Variants in RBMS3 observed in about 807,000 individuals in gnomAD.
RBMS3 encodes the protein RNA binding motif single stranded interacting protein 3.
RBMS3 carries 27 observed loss-of-function variants against 66.8 expected under a neutral mutation model. The ratio of observed to expected loss-of-function variants is 0.40; its 90% CI spans 0.30 to 0.56. The LOEUF (loss-of-function observed/expected upper bound fraction) is 0.56, where lower values mean the gene tolerates loss of function less well. Among genes scored for constraint, RBMS3 ranks in the 20% least tolerant of loss-of-function variants. The pLI is 0.40. For missense variants in RBMS3, 513 were observed against 549.5 expected, an observed-to-expected ratio of 0.93 and a Z score of 0.66; for synonymous variants, 188 against 183.0, an observed-to-expected ratio of 1.03 and a Z score of -0.22.
intron 3 of RBMS3, among the ~76,000 whole-genome samples, chr3:29,543,138 G>T (rs1181208645): frequency 2.0e-5 from 3 of 152,148 alleles, no homozygotes; most frequent in Non-Finnish European, 4.4e-5. Flanking sequence ...TGACCTCCAA[G>T]AGACATTTCC....
intron 5 of RBMS3, among the ~76,000 whole-genome samples, chr3:29,741,538 A>G (rs1269448030): frequency 6.6e-6 from 1 of 152,212 alleles, no homozygotes; most frequent in African/African-American, 2.4e-5. Context: ...AAACTCTCCA[A>G]TAAATTAGTT....
At chr3:29,815,428 A>G (rs957067056) in intron 6 of RBMS3, among the ~76,000 whole-genome samples, 4 of 152,192 alleles carry the variant, frequency 2.6e-5, no homozygotes, top group Non-Finnish European at 5.9e-5. Context: ...AATATACTAT[A>G]ATGTTTAAGA....
At chr3:29,957,482 C>G (rs1448542605) in intron 12 of RBMS3, among the ~76,000 whole-genome samples, 1 of 152,038 alleles carries the variant, frequency 6.6e-6, no homozygotes, top group Admixed American at 6.6e-5. Context: ...GAATGAACAA[C>G]TAAGTGCAGA....
chr3:29,766,310 T>C (rs186948475), intron 6 of RBMS3: 8 of 152,062 alleles, frequency 5.3e-5, no homozygotes, highest in African/African-American at 1.7e-4. Flanking sequence ...TCCCCTACTA[T>C]GTCATTTCTA....
At chr3:29,291,732 A>AG (rs2032832864) in intron 1 of RBMS3, among the ~76,000 whole-genome samples, 1 of 151,780 alleles carries the variant, frequency 6.6e-6, no homozygotes, top group East Asian at 1.9e-4. Context: ...CTAGGATAAT[A>AG]ACATCTCTTG....
chr3:29,600,017 T>TA (rs1451140663), intron 4 of RBMS3, among the ~76,000 whole-genome samples: 2 of 152,058 alleles, frequency 1.3e-5, no homozygotes, highest in East Asian at 3.9e-4. Context: ...TAAATGTAAA[T>TA]AAAAAACCAA....
At chr3:29,492,340 G>A (rs2043580676) in intron 3 of RBMS3, among the ~76,000 whole-genome samples, 1 of 152,128 alleles carries the variant, frequency 6.6e-6, no homozygotes, top group African/African-American at 2.4e-5. Flanking sequence ...TGATTAGAAA[G>A]ACAGCAATTA....
chr3:29,965,874 G>A (rs1696807441), intron 12 of RBMS3, among the ~76,000 whole-genome samples: 1 of 152,142 alleles, frequency 6.6e-6, no homozygotes. Flanking sequence ...TTAGGTTTAA[G>A]TGCTTAATGC....
chr3:29,534,822 T>A (rs570751042), intron 3 of RBMS3, among the ~76,000 whole-genome samples: 2 of 152,296 alleles, frequency 1.3e-5, no homozygotes, highest in South Asian at 2.1e-4. Context: ...TCGTGTCATA[T>A]GTCATCATGC....
At chr3:29,620,491 A>C (rs2149152523) in intron 4 of RBMS3, among the ~76,000 whole-genome samples, 1 of 152,270 alleles carries the variant, frequency 6.6e-6, no homozygotes, top group Non-Finnish European at 1.5e-5. Context: ...GGCTACAATT[A>C]CGATAAAACT....
chr3:29,437,933 C>T (rs1371587664), intron 2 of RBMS3, among the ~76,000 whole-genome samples: 1 of 152,134 alleles, frequency 6.6e-6, no homozygotes, highest in Non-Finnish European at 1.5e-5. Context: ...GGCAGGGGCA[C>T]AGTCAGAATT....
At chr3:29,875,581 G>A (rs1027748244) in intron 7 of RBMS3, among the ~76,000 whole-genome samples, 3 of 151,870 alleles carry the variant, frequency 2.0e-5, no homozygotes, top group African/African-American at 7.2e-5. Flanking sequence ...CTGCATCTTG[G>A]AATCTATGAA....
chr3:29,311,485 A>G (rs531201350), intron 1 of RBMS3, among the ~76,000 whole-genome samples: 92 of 151,906 alleles, frequency 6.1e-4, no homozygotes, highest in South Asian at 1.5e-3. Flanking sequence ...GTCTCACACT[A>G]CAATATGCAA....
chr3:29,451,902 C>T (rs1946824), intron 2 of RBMS3, among the ~76,000 whole-genome samples: 52,029 of 151,978 alleles, frequency 0.34, 9,983 homozygotes, highest in East Asian at 0.51. Flanking sequence ...ATGGTGTAAC[C>T]CACCTTAAAT....
chr3:29,967,312 G>T (rs897573672), intron 12 of RBMS3, among the ~76,000 whole-genome samples: 1 of 151,992 alleles, frequency 6.6e-6, no homozygotes, highest in Non-Finnish European at 1.5e-5. Context: ...CTATGAATCC[G>T]TCTGGTCCTG....
chr3:29,831,735 G>A (rs954557211), intron 6 of RBMS3, among the ~76,000 whole-genome samples: 4 of 152,120 alleles, frequency 2.6e-5, no homozygotes, highest in Middle Eastern at 3.4e-3. Flanking sequence ...TTTATGTAAG[G>A]ACCTGGTTTA....
At chr3:29,516,698 A>G (rs2044641864) in intron 3 of RBMS3, among the ~76,000 whole-genome samples, 1 of 152,140 alleles carries the variant, frequency 6.6e-6, no homozygotes, top group South Asian at 2.1e-4. Context: ...GATTATAGGC[A>G]TGAGCTACCA....
At chr3:29,382,048 T>G (rs2038786132) in intron 1 of RBMS3, among the ~76,000 whole-genome samples, 1 of 152,186 alleles carries the variant, frequency 6.6e-6, no homozygotes, top group South Asian at 2.1e-4. Context: ...GAGTAAATAT[T>G]GTGAGTAGAC....
At chr3:29,971,788 C>T (rs1033367402) in intron 12 of RBMS3, among the ~76,000 whole-genome samples, 4 of 151,928 alleles carry the variant, frequency 2.6e-5, no homozygotes, top group Non-Finnish European at 5.9e-5. Flanking sequence ...AGGTAGTTAC[C>T]ATTTCCCAAT....
Sources: gnomAD v4.1 joint callset for allele counts (sites outside exome capture counted in the v4.1 genomes callset) on GRCh38, gnomAD v4.1.1 for gene constraint, MANE v1.5 for transcripts, NCBI Gene and HGNC (gene_info 2026-07-23, HGNC 2026-07-21) for gene names.